Variants in TBC1D2B observed in about 807,000 individuals in gnomAD.
The protein encoded by TBC1D2B is TBC1 domain family, member 2B.
TBC1D2B carries 64 observed loss-of-function variants against 100.8 expected under a neutral mutation model. The ratio of observed to expected loss-of-function variants is 0.64; its 90% CI spans 0.52 to 0.78. TBC1D2B has a LOEUF of 0.78. TBC1D2B is among the 30% of genes least tolerant of loss of function. The pLI is 0.00. For synonymous variants in TBC1D2B, 480 were observed against 479.7 expected (o/e 1.00, Z -0.01); for missense variants, 1,052 against 1,218.4 (o/e 0.86, Z 2.03).
chr15:78,030,694 T>C (rs1323028905), intron 3 of TBC1D2B, among the ~76,000 whole-genome samples: 2 of 152,302 alleles, frequency 1.3e-5, no homozygotes, highest in African/African-American at 4.8e-5. Context: ...TACTGTTAAG[T>C]TGAAGAGGTG....
chr15:78,001,957 A>T (rs1355207955), intron 11 of TBC1D2B: 3 of 412,208 alleles, frequency 7.3e-6, no homozygotes, highest in Non-Finnish European at 1.3e-5. Flanking sequence ...TTTCAACAAC[A>T]CATCAGCCCA....
intron 2 of TBC1D2B, among the ~76,000 whole-genome samples, chr15:78,049,335 G>C (rs1214826240): frequency 1.3e-5 from 2 of 152,216 alleles, no homozygotes; most frequent in African/African-American, 4.8e-5. Flanking sequence ...GCATAGAGGA[G>C]TGACTTAATA....
At chr15:78,026,475 G>T (rs1039510186) in intron 4 of TBC1D2B, among the ~76,000 whole-genome samples, 3 of 152,094 alleles carry the variant, frequency 2.0e-5, no homozygotes, top group Middle Eastern at 3.2e-3. Context: ...CCAGTGCCAT[G>T]CTTTTGGACT....
In TBC1D2B at chr15:78,045,058, G is replaced by A. The variant is rs778988158; in HGVS notation, c.525C>T (p.Tyr175=). ...TTTCTGCAGAAGCATTTGGGTGTGG[G>A]TAAATTAAATCTGAAAAAAAAGGTA... ...LVARDNTDLI[Y]PHPNASAEKA... Residue 175 remains tyrosine, a synonymous_variant, in exon 3 of 13, where the codon TAC becomes TAT. Coordinates refer to ENST00000300584, the MANE Select transcript of TBC1D2B (RefSeq NM_144572.2). 9.5e-5 allele frequency: 152 copies of A among 1,597,294 alleles called. 1 individual carries two copies. In the East Asian group the frequency reaches 3.4e-3, roughly 36 times the overall value.
intron 3 of TBC1D2B, among the ~76,000 whole-genome samples, chr15:78,033,213 C>T (rs554668269): frequency 3.3e-5 from 5 of 152,282 alleles, no homozygotes; most frequent in African/African-American, 9.6e-5. Context: ...TTTGAGCAGT[C>T]GGTAAGTGGA....
At position 78,051,046 on chromosome 15, in the gene TBC1D2B, T is replaced by C. The variant is rs558430888; in HGVS notation, c.514+2988A>G. 2.0e-5 allele frequency among the ~76,000 whole-genome samples: 3 copies of C among 152,300 alleles called. No homozygotes were observed. The East Asian group carries it at 5.8e-4, about 29-fold the overall frequency. On this transcript the variant is annotated intron_variant, in intron 2 of 12. Transcript: ENST00000300584. ...TGTAAGTGCCACCCCCAGGGGCAGC[T>C]AGCATGAGCAGGAAAGCTAATACAC...
chr15:78,050,365 A>G (rs374195606), intron 2 of TBC1D2B, among the ~76,000 whole-genome samples: 1 of 152,218 alleles, frequency 6.6e-6, no homozygotes, highest in Non-Finnish European at 1.5e-5. Flanking sequence ...TGGGCATTTG[A>G]GCCTGCTATG....
intron 4 of TBC1D2B, among the ~76,000 whole-genome samples, chr15:78,028,884 C>G (rs192475648): frequency 6.6e-6 from 1 of 152,292 alleles, no homozygotes; most frequent in Admixed American, 6.5e-5. Flanking sequence ...AGCCAGGGAG[C>G]TGTTTAGATT....
At chr15:78,044,317 C>A (rs1039053033) in intron 3 of TBC1D2B, among the ~76,000 whole-genome samples, 1 of 152,032 alleles carries the variant, frequency 6.6e-6, no homozygotes, top group Non-Finnish European at 1.5e-5. Context: ...AACAAGTCAA[C>A]CATAGTGGCA....
chr15:78,063,136 T>C (rs534388856), intron 1 of TBC1D2B, among the ~76,000 whole-genome samples: 101 of 152,354 alleles, frequency 6.6e-4, no homozygotes, highest in African/African-American at 2.3e-3. Context: ...ACTTAACATG[T>C]GTTAAGCTCA....
chr15:78,034,172 C>T (rs1043472236), intron 3 of TBC1D2B, among the ~76,000 whole-genome samples: 1 of 152,162 alleles, frequency 6.6e-6, no homozygotes, highest in African/African-American at 2.4e-5. Flanking sequence ...TAGTCAATTC[C>T]CCATGGTAAC....
In TBC1D2B at chr15:78,071,125, C is replaced by A. The variant is rs181059581; in HGVS notation, c.360+6168G>T. 8.0e-4 allele frequency among the ~76,000 whole-genome samples: 121 copies of A among 152,010 alleles called. 1 individual carries two copies. The East Asian group carries it at 0.023, about 29-fold the overall frequency. On this transcript the variant is annotated intron_variant, in intron 1 of 12. Coordinates refer to ENST00000300584, the MANE Select transcript of TBC1D2B (RefSeq NM_144572.2). Reference sequence around the variant, plus strand: ...GCGTGAGCCACCACATCCAGCCACACCTGGCTAGTTTTTTTTAATTTTTGT... The same window carrying A: ...GCGTGAGCCACCACATCCAGCCACAACTGGCTAGTTTTTTTTAATTTTTGT...
rs534083475 is a variant in TBC1D2B at position 78,030,628 on chromosome 15, C to T, written c.684-458G>A. 2.0e-5 allele frequency among the ~76,000 whole-genome samples: 3 copies of T among 152,250 alleles called. No homozygotes were observed. In the South Asian group the frequency reaches 6.2e-4, roughly 32 times the overall value. On this transcript the variant is annotated intron_variant, in intron 3 of 12. Transcript: ENST00000300584. ...CCCAATCGAAATGGGGATTCTTATA[C>T]ACTGCTGGTGGGATTATAAATTGAT...
intron 1 of TBC1D2B, chr15:78,065,903 C>G (rs1365287390): frequency 2.5e-6 from 1 of 408,066 alleles, no homozygotes; most frequent in African/African-American, 2.0e-5. Context: ...TGTTTGGGAA[C>G]CACGGTGATT....
chr15:78,076,880 C>A lies in TBC1D2B; in HGVS notation c.360+413G>T, dbSNP rs2073837291. On this transcript the variant is annotated intron_variant, in intron 1 of 12. Coordinates refer to ENST00000300584, the MANE Select transcript of TBC1D2B (RefSeq NM_144572.2). ...TCCCATTTTACAGAGGAGGCCGCTG[C>A]AGCCCAGAGCGGTTCACTGAGGTAC... Among the ~76,000 whole-genome samples the A allele has an allele frequency of 3.3e-5, 5 of 152,370 alleles. 1 individual carries two copies. In the South Asian group the frequency reaches 1.0e-3, roughly 32 times the overall value.
chr15:78,021,764 T>A (rs1351810038), intron 6 of TBC1D2B, among the ~76,000 whole-genome samples: 2 of 152,214 alleles, frequency 1.3e-5, no homozygotes, highest in Non-Finnish European at 2.9e-5. Flanking sequence ...AGTTGAGAAA[T>A]GTTGGAGGAA....
chr15:78,001,867 G>C (rs758685650), intron 11 of TBC1D2B, 127 bp from the exon 12 acceptor site: 17 of 1,117,718 alleles, frequency 1.5e-5, no homozygotes, highest in Non-Finnish European at 2.0e-5. Context: ...CCCGCCCTGG[G>C]GAAAGACTAT....
intron 1 of TBC1D2B, among the ~76,000 whole-genome samples, chr15:78,061,683 G>A (rs1407097041): frequency 6.7e-6 from 1 of 150,132 alleles, no homozygotes; most frequent in Non-Finnish European, 1.5e-5. Context: ...CCTATCATCA[G>A]AGAAAATAAT....
intron 6 of TBC1D2B, among the ~76,000 whole-genome samples, chr15:78,019,013 A>G (rs2072446260): frequency 6.6e-6 from 1 of 151,998 alleles, no homozygotes; most frequent in Admixed American, 6.6e-5. Context: ...CACAGAAGAA[A>G]TTATGTTCAA....
Sources: allele counts gnomAD v4.1 joint callset (sites outside exome capture counted in the v4.1 genomes callset), GRCh38; gene constraint gnomAD v4.1.1; transcripts MANE v1.5; gene names NCBI Gene and HGNC (gene_info 2026-07-23, HGNC 2026-07-21).